PUM2: variants seen among roughly 807,000 people sequenced by gnomAD.
PUM2 encodes the protein pumilio homolog 2.
In PUM2, 57 loss-of-function variants were observed where a neutral mutation model predicts 124.5. The ratio of observed to expected loss-of-function variants is 0.46; its 90% confidence interval spans 0.37 to 0.57. PUM2 has a LOEUF of 0.57. Ranked by LOEUF, PUM2 falls within the 20% of genes least tolerant of loss-of-function variation. PUM2 has a pLI of 0.00. For synonymous variants in PUM2, 460 were observed against 446.1 expected (o/e 1.03, Z -0.39); for missense variants, 1,065 against 1,290.6 (o/e 0.83, Z 2.68).
At chr2:20,283,660 T>G (rs1452872665) in intron 10 of PUM2, among the ~76,000 whole-genome samples, 174 bp from the exon 11 acceptor site, 1 of 152,230 alleles carries the variant, frequency 6.6e-6, no homozygotes, top group African/African-American at 2.4e-5. Flanking sequence ...ACTAAATATA[T>G]GAAAAAGTAA....
At chr2:20,290,615 A>G in intron 10 of PUM2, 37 bp downstream of exon 10, 1 of 1,570,712 alleles carries the variant, frequency 6.4e-7, no homozygotes, top group Non-Finnish European at 8.6e-7. Context: ...TAACATCTGA[A>G]ATCTATTCAA....
intron 1 of PUM2, among the ~76,000 whole-genome samples, chr2:20,329,631 A>G (rs1684474841): frequency 6.6e-6 from 1 of 152,126 alleles, no homozygotes; most frequent in South Asian, 2.1e-4. Flanking sequence ...CTCTGACTAG[A>G]AGAAGCTGGT....
chr2:20,335,332 C>T (rs1685774086), intron 1 of PUM2, among the ~76,000 whole-genome samples: 2 of 152,216 alleles, frequency 1.3e-5, no homozygotes, highest in South Asian at 4.1e-4. Context: ...AATTAAATCA[C>T]TTTATTGCAA....
chr2:20,307,827 GT>G (rs751097285), intron 7 of PUM2, 150 bp downstream of exon 7: 36 of 1,004,468 alleles, frequency 3.6e-5, no homozygotes, highest in Non-Finnish European at 4.6e-5. Context: ...CAATTCCCTA[GT>G]TAATAAACAC....
intron 2 of PUM2, among the ~76,000 whole-genome samples, chr2:20,327,002 G>A (rs1252031120): frequency 6.6e-6 from 1 of 152,014 alleles, no homozygotes; most frequent in Admixed American, 6.5e-5. Context: ...TAAAACAGCA[G>A]AACAAGGCTA....
At position 20,249,453 on chromosome 2, in the gene PUM2, CTA is replaced by C. The variant is rs1027501681; in HGVS notation, c.*2130_*2131del. 1 of 152,624 alleles carries C rather than the reference CTA, an allele frequency of 6.6e-6. No individual in the cohort carries two copies. The highest frequency in any genetic ancestry group is 2.4e-5 in the African/African-American group (1 of 41,440). The allele number at this position is 152,624 out of a possible 1,614,324, so 9.5% of individuals were successfully genotyped here. A position where few individuals can be genotyped will look rare whatever the true frequency, so the allele number is the denominator to read the frequency against. On this transcript the variant is annotated 3_prime_UTR_variant, in exon 21 of 21. Transcript: ENST00000361078. Reference sequence around the variant, plus strand: ...GGGACATGCTGATGACCCAGAGTGACTATGAGAAGGAACGGTGACAAGTGTTT... The same window carrying C: ...GGGACATGCTGATGACCCAGAGTGACTGAGAAGGAACGGTGACAAGTGTTT...
upstream of PUM2, among the ~76,000 whole-genome samples, chr2:20,351,961 C>T (rs1193205340): frequency 6.6e-6 from 1 of 152,188 alleles, no homozygotes. Context: ...ACCTTAGGCT[C>T]ATATTTCAGG....
At position 20,301,518 on chromosome 2, in the gene PUM2, T is replaced by C. The variant is rs1272734551; in HGVS notation, c.884-3840A>G. On this transcript the variant is annotated intron_variant, in intron 7 of 20. Coordinates refer to ENST00000361078, the MANE Select transcript of PUM2 (RefSeq NM_015317.5). ...CTCATTCATTTTGTACTCTAATCTA[T>C]AACTGTACTTTAATACACTTTTTCA... 2.0e-5 allele frequency among the ~76,000 whole-genome samples: 3 copies of C among 152,342 alleles called. No individual in the cohort carries two copies. The East Asian group carries it at 5.8e-4, about 29-fold the overall frequency.
At chr2:20,319,190 G>A (rs1333331980) in intron 2 of PUM2, among the ~76,000 whole-genome samples, 1 of 152,184 alleles carries the variant, frequency 6.6e-6, no homozygotes, top group Non-Finnish European at 1.5e-5. Flanking sequence ...ACAATCTCAA[G>A]GCCCTGTGCT....
chr2:20,325,494 A>G (rs546070727), intron 2 of PUM2, among the ~76,000 whole-genome samples: 29 of 152,364 alleles, frequency 1.9e-4, no homozygotes, highest in African/African-American at 3.1e-4. Context: ...ATCTGCAAAG[A>G]TAACTTTAAA....
chr2:20,268,491 G>A (rs1056107527), intron 13 of PUM2, among the ~76,000 whole-genome samples: 5 of 152,080 alleles, frequency 3.3e-5, no homozygotes, highest in South Asian at 2.1e-4. Context: ...GGTGGCGTAC[G>A]CCTGTAGTCC....
intron 14 of PUM2, 85 bp from the exon 15 acceptor site, chr2:20,260,551 C>T: frequency 8.5e-7 from 1 of 1,173,952 alleles, no homozygotes; most frequent in Non-Finnish European, 1.2e-6. Flanking sequence ...ATATGCACTG[C>T]AAGTTATTTC....
At chr2:20,351,772 G>A (rs1329448907), upstream of PUM2, among the ~76,000 whole-genome samples, 3 of 152,116 alleles carry the variant, frequency 2.0e-5, no homozygotes, top group Non-Finnish European at 4.4e-5. Context: ...AATATTCAGG[G>A]CCTCCCGTAT....
intron 3 of PUM2, among the ~76,000 whole-genome samples, chr2:20,316,853 A>G (rs1053624414): frequency 2.0e-5 from 3 of 152,198 alleles, no homozygotes; most frequent in African/African-American, 7.2e-5. Context: ...TAACATGGCG[A>G]AACTCCATCT....
Position 20,290,591 on chromosome 2 carries a change from T to G in PUM2, c.1291+61A>C, listed in dbSNP as rs563131943. 4 of 1,484,134 alleles carry G rather than the reference T, an allele frequency of 2.7e-6. No homozygotes were observed. In the South Asian group the frequency reaches 5.6e-5, roughly 21 times the overall value. 91.9% of individuals were successfully genotyped at this position (1,484,134 alleles called of 1,614,324 possible). On this transcript the variant is annotated intron_variant, in intron 10 of 20. Coordinates refer to ENST00000361078, the MANE Select transcript of PUM2 (RefSeq NM_015317.5). Reference sequence around the variant, plus strand: ...GTTTGATTTTTTTCACTCTTCAGTGTGAGTACCTACACTTAACATCTGAAA... The same window carrying G: ...GTTTGATTTTTTTCACTCTTCAGTGGGAGTACCTACACTTAACATCTGAAA...
At chr2:20,280,833 C>G (rs946901261) in intron 12 of PUM2, among the ~76,000 whole-genome samples, 1 of 152,042 alleles carries the variant, frequency 6.6e-6, no homozygotes, top group East Asian at 1.9e-4. Flanking sequence ...TATAAACTTT[C>G]AATTGTAACA....
chr2:20,342,373 C>G (rs1687400488), intron 1 of PUM2, among the ~76,000 whole-genome samples: 1 of 152,214 alleles, frequency 6.6e-6, no homozygotes, highest in Non-Finnish European at 1.5e-5. Flanking sequence ...CACCCACTTG[C>G]TCCTTTGCAA....
At chr2:20,302,952 C>T (rs1677349027) in intron 7 of PUM2, among the ~76,000 whole-genome samples, 3 of 152,198 alleles carry the variant, frequency 2.0e-5, no homozygotes, top group South Asian at 2.1e-4. Context: ...CTAACTCTCC[C>T]GCAATTTGCA....
chr2:20,285,057 T>G (rs1672412093), intron 10 of PUM2, among the ~76,000 whole-genome samples: 1 of 152,208 alleles, frequency 6.6e-6, no homozygotes, highest in South Asian at 2.1e-4. Context: ...GAATTTGAAT[T>G]AAAAATAAAA....
Sources: gnomAD v4.1 joint callset for allele counts (sites outside exome capture counted in the v4.1 genomes callset) on GRCh38, gnomAD v4.1.1 for gene constraint, MANE v1.5 for transcripts, NCBI Gene and HGNC (gene_info 2026-07-23, HGNC 2026-07-21) for gene names.